TNRC6C: variants seen among roughly 807,000 people sequenced by gnomAD.
TNRC6C encodes trinucleotide repeat containing adaptor 6C.
TNRC6C carries 20 observed loss-of-function variants against 153.7 expected under a neutral mutation model. The observed-to-expected ratio is 0.13, with a 90% CI of 0.09 to 0.19. TNRC6C has a LOEUF of 0.19. Among genes scored for constraint, TNRC6C ranks in the 10% least tolerant of loss-of-function variants. The pLI is 1.00. For synonymous variants in TNRC6C, 811 were observed against 841.4 expected, an observed-to-expected ratio of 0.96 and a Z score of 0.63; for missense variants, 1,987 against 2,172.0, an observed-to-expected ratio of 0.91 and a Z score of 1.69.
At chr17:77,959,770 G>C (rs1006854511) in intron 1 of TNRC6C, among the ~76,000 whole-genome samples, 2 of 152,152 alleles carry the variant, frequency 1.3e-5, no homozygotes, top group African/African-American at 2.4e-5. Flanking sequence ...CGGTGCTGCG[G>C]ACTGCGGAGT....
chr17:77,980,575 A>G (rs1271300451), intron 1 of TNRC6C, among the ~76,000 whole-genome samples: 1 of 152,100 alleles, frequency 6.6e-6, no homozygotes, highest in East Asian at 1.9e-4. Context: ...TCAGGTGGGT[A>G]CCCTCCAATT....
At chr17:78,084,166 C>T (rs1393011453) in intron 11 of TNRC6C, among the ~76,000 whole-genome samples, 2 of 152,014 alleles carry the variant, frequency 1.3e-5, no homozygotes, top group African/African-American at 2.4e-5. Context: ...TGTCTGTAAT[C>T]CCAGCTATTC....
At position 78,075,236 on chromosome 17, in the gene TNRC6C, C is replaced by T. The variant is rs1255953200; in HGVS notation, c.3018C>T (p.Ile1006=). ...AGCCCCTCGGCTGCCGCCCGCCAATCTCCAAAGAGTCTTCCGTGGACCGCC... is the reference window on the plus strand; with the variant it reads ...AGCCCCTCGGCTGCCGCCCGCCAATTTCCAAAGAGTCTTCCGTGGACCGCC... The change falls in exon 8 of 20, where the codon ATC becomes ATT. Residue 1006 remains isoleucine (I), a synonymous_variant. Transcript: ENST00000301624. This position sits in a 1 kb window ranked among gnomAD's most constrained non-coding sequence, Gnocchi z 4.2. 1 of 1,604,054 alleles carries T rather than the reference C, an allele frequency of 6.2e-7. No individual in the cohort carries two copies. Among genetic ancestry groups the T allele is most frequent in the South Asian group, 1.1e-5 (1 of 89,212 alleles).
intron 2 of TNRC6C, among the ~76,000 whole-genome samples, chr17:78,046,587 T>A (rs887178926): frequency 6.6e-6 from 1 of 152,220 alleles, no homozygotes; most frequent in African/African-American, 2.4e-5. Flanking sequence ...TAGATGTTTT[T>A]AATATTAGCA....
chr17:77,958,814 G>C (rs2070834494), upstream of TNRC6C, among the ~76,000 whole-genome samples: 1 of 147,052 alleles, frequency 6.8e-6, no homozygotes, highest in East Asian at 2.0e-4. Context: ...AGCGCCGCCC[G>C]GGCCGCCCCC....
At chr17:77,980,861 G>C (rs1445779692) in intron 1 of TNRC6C, among the ~76,000 whole-genome samples, 2 of 152,246 alleles carry the variant, frequency 1.3e-5, no homozygotes, top group African/African-American at 4.8e-5. Flanking sequence ...AAGGTATGGG[G>C]GGTGGGTGCT....
At chr17:78,051,758 A>G (rs1292715316) in intron 3 of TNRC6C, among the ~76,000 whole-genome samples, 3 of 152,180 alleles carry the variant, frequency 2.0e-5, no homozygotes, top group Non-Finnish European at 4.4e-5. Flanking sequence ...ATGACAGTGC[A>G]TGATTCCAAG....
intron 1 of TNRC6C, among the ~76,000 whole-genome samples, chr17:78,022,591 G>A (rs777147391): frequency 2.6e-5 from 4 of 152,140 alleles, no homozygotes; most frequent in Admixed American, 6.5e-5. Flanking sequence ...ATATCATCTC[G>A]GTTGCCTGAG....
chr17:77,973,111 T>TG (rs1242546071), intron 1 of TNRC6C, among the ~76,000 whole-genome samples: 1 of 152,218 alleles, frequency 6.6e-6, no homozygotes, highest in East Asian at 1.9e-4. Flanking sequence ...TTCACTATGT[T>TG]GGCCAGGCTG....
At chr17:78,000,989 G>T (rs2071404691), upstream of TNRC6C, among the ~76,000 whole-genome samples, 1 of 151,960 alleles carries the variant, frequency 6.6e-6, no homozygotes, top group South Asian at 2.1e-4. Flanking sequence ...ATAAATTATT[G>T]TTTCTCTGGG....
chr17:78,075,298 G>T lies in TNRC6C; in HGVS notation c.3060+20G>T, dbSNP rs750993133. On this transcript the variant is annotated intron_variant, in intron 8 of 19. Coordinates refer to ENST00000301624, the Ensembl canonical transcript of TNRC6C. The surrounding 1 kb of genome is among the most constrained non-coding windows in gnomAD (Gnocchi z 4.2). ...GACAAGGTATGAATATAGGTGGTTT[G>T]TTGTTTTTGCTTTTTTAACAAGAGG... 7.1e-6 allele frequency: 11 copies of T among 1,559,188 alleles called. No homozygotes were observed. In the South Asian group the frequency reaches 1.1e-4, roughly 15 times the overall value.
intron 1 of TNRC6C, among the ~76,000 whole-genome samples, chr17:77,986,165 C>T (rs1598651311): frequency 6.6e-6 from 1 of 151,888 alleles, no homozygotes; most frequent in African/African-American, 2.4e-5. Context: ...ACCTGTAATC[C>T]CAGCACTTGG....
At chr17:78,086,820 C>T in intron 12 of TNRC6C, 33 bp from the exon 15 acceptor site, 1 of 1,605,332 alleles carries the variant, frequency 6.2e-7, no homozygotes, top group Non-Finnish European at 8.5e-7. Flanking sequence ...TCCCTTCCCA[C>T]CTAGTTAACG....
chr17:78,090,843 A>G (rs1598782819), intron 13 of TNRC6C, among the ~76,000 whole-genome samples: 1 of 152,352 alleles, frequency 6.6e-6, no homozygotes, highest in South Asian at 2.1e-4. Flanking sequence ...AGACTTTTGT[A>G]AAGGAAACTC....
chr17:78,006,489 TTCTTTCTTCTTCTTC>T (rs1455959448), intron 1 of TNRC6C, among the ~76,000 whole-genome samples: 23 of 141,926 alleles, frequency 1.6e-4, no homozygotes, highest in African/African-American at 4.2e-4. Flanking sequence ...CTTCTTCTTC[TTCTTTCTTCTTCTTC>T]TTCTTCTTCT....
intron 7 of TNRC6C, 36 bp downstream of exon 9, chr17:78,073,130 AG>A: frequency 6.6e-7 from 1 of 1,518,230 alleles, no homozygotes; most frequent in East Asian, 2.5e-5. Context: ...AAAGGTACCC[AG>A]CTGTGAAGTT....
chr17:78,088,831 AT>A (rs1469944180), intron 13 of TNRC6C, among the ~76,000 whole-genome samples: 1 of 152,028 alleles, frequency 6.6e-6, no homozygotes, highest in African/African-American at 2.4e-5. Context: ...TCAGCTACTT[AT>A]GTAAGTGCTT....
upstream of TNRC6C, among the ~76,000 whole-genome samples, chr17:78,000,186 A>G (rs1598665500): frequency 6.6e-6 from 1 of 152,180 alleles, no homozygotes; most frequent in Non-Finnish European, 1.5e-5. Flanking sequence ...TCTCTATACC[A>G]ATGACTTTAT....
intron 1 of TNRC6C, among the ~76,000 whole-genome samples, chr17:77,978,232 C>G (rs1172332978): frequency 6.6e-6 from 1 of 152,086 alleles, no homozygotes; most frequent in Admixed American, 6.6e-5. Flanking sequence ...GAGACAAATG[C>G]AACAGCATAT....
Sources: gnomAD v4.1 joint callset for allele counts (sites outside exome capture counted in the v4.1 genomes callset) on GRCh38, gnomAD v4.1.1 for gene constraint, Gnocchi (gnomAD v3.1) non-coding constraint, MANE v1.5 for transcripts, NCBI Gene and HGNC (gene_info 2026-07-23, HGNC 2026-07-21) for gene names.